Variants in ARHGAP29 observed in about 807,000 individuals in gnomAD.
The protein encoded by ARHGAP29 is rho GTPase-activating protein 29.
In ARHGAP29, 43 loss-of-function variants were observed where a neutral mutation model predicts 122.6. The observed-to-expected ratio is 0.35, with a 90% CI of 0.27 to 0.45. The LOEUF (loss-of-function observed/expected upper bound fraction) is 0.45, where lower values mean the gene tolerates loss of function less well. Ranked by LOEUF, ARHGAP29 falls within the 20% of genes least tolerant of loss-of-function variation. ARHGAP29 has a pLI of 1.00. For synonymous variants in ARHGAP29, 506 were observed against 497.1 expected (o/e 1.02, Z -0.24); for missense variants, 1,303 against 1,477.2 (o/e 0.88, Z 1.93).
upstream of ARHGAP29, among the ~76,000 whole-genome samples, chr1:94,275,320 T>C (rs745786573): frequency 3.9e-5 from 6 of 152,276 alleles, no homozygotes; most frequent in Middle Eastern, 3.4e-3. Flanking sequence ...GAAGGGAAAA[T>C]TGAAATGGTT....
chr1:94,186,520 GCT>G lies in ARHGAP29; in HGVS notation c.1757_1758del (p.Glu586AlafsTer16). On this transcript the variant is annotated frameshift_variant, in exon 16 of 23. Transcript: ENST00000260526. LOFTEE classifies it high-confidence loss of function. ...MSSADDLDER[E>X]PPSPSETGPN... ...ATACCAGTTTCTGAAGGGGAAGGTG[GCT>G]CTCTTTCATCTAGATCATCTGCAGA... 6.2e-7 allele frequency: 1 copy of G among 1,613,340 alleles called. No individual in the cohort carries two copies. Among genetic ancestry groups the G allele is most frequent in the African/African-American group, 1.3e-5 (1 of 74,974 alleles).
In ARHGAP29 at chr1:94,173,074, C is replaced by A. The variant is rs1648845484; in HGVS notation, c.*795G>T. ...CATTTTTTGGACCATTTATAAAATA[C>A]TAAAAAGTTCAGAACTGCTGAAAAA... On this transcript the variant is annotated 3_prime_UTR_variant, in exon 23 of 23. Transcript: ENST00000260526. 6.6e-6 allele frequency: 1 copy of A among 152,400 alleles called. No individual in the cohort carries two copies. Among genetic ancestry groups the A allele is most frequent in the African/African-American group, 2.4e-5 (1 of 41,378 alleles). 9.4% of individuals were successfully genotyped at this position (152,400 alleles called of 1,614,324 possible). A position where few individuals can be genotyped will look rare whatever the true frequency, so the allele number is the denominator to read the frequency against.
At chr1:94,212,784 C>T (rs1439605839) in intron 3 of ARHGAP29, among the ~76,000 whole-genome samples, 1 of 152,100 alleles carries the variant, frequency 6.6e-6, no homozygotes, top group Non-Finnish European at 1.5e-5. Flanking sequence ...CCCTATATTT[C>T]TAATATCTAA....
At chr1:94,255,119 G>A (rs1407035980) in intron 1 of ARHGAP29, among the ~76,000 whole-genome samples, 1 of 152,176 alleles carries the variant, frequency 6.6e-6, no homozygotes, top group South Asian at 2.1e-4. Context: ...ACCTCAGAAT[G>A]TAACTATATT....
the ARHGAP29 span, among the ~76,000 whole-genome samples, chr1:94,299,939 G>A: frequency 1.3e-5 from 2 of 152,136 alleles, no homozygotes; most frequent in African/African-American, 2.4e-5. Flanking sequence ...TGCCTCTACT[G>A]GGAGAACTAG....
At position 94,216,334 on chromosome 1, in the gene ARHGAP29, C is replaced by T. The variant is rs568431702; in HGVS notation, c.340+3924G>A. On this transcript the variant is annotated intron_variant, in intron 3 of 22. Coordinates refer to ENST00000260526, the MANE Select transcript of ARHGAP29 (RefSeq NM_004815.4). ...AAACAATAACAAAAGAATGAGGAAA[C>T]CCTTTATGTGCAGGTAACTCATGAC... Among the ~76,000 whole-genome samples, 212 of 152,152 alleles carry T rather than the reference C, an allele frequency of 1.4e-3. 1 individual carries two copies. The highest frequency in any genetic ancestry group is 2.8e-3 in the Admixed American group (43 of 15,278).
the ARHGAP29 span, among the ~76,000 whole-genome samples, chr1:94,293,404 T>G: frequency 0.051 from 7,751 of 152,264 alleles, 680 homozygotes; most frequent in African/African-American, 0.18. Context: ...CCCTTGGCTA[T>G]GAAAGGGAAA....
the ARHGAP29 span, among the ~76,000 whole-genome samples, chr1:94,282,608 T>G: frequency 3.7e-4 from 56 of 151,984 alleles, no homozygotes; most frequent in Admixed American, 3.7e-3. Context: ...TTTTTGCCAA[T>G]GAGTAGTAAA....
At position 94,256,536 on chromosome 1, in the gene ARHGAP29, C is replaced by CTTTTTTTTTTTTTTTTTT. The variant is rs530295333; in HGVS notation, c.-33+18458_-33+18475dup. 1.3e-4 allele frequency among the ~76,000 whole-genome samples: 6 copies of CTTTTTTTTTTTTTTTTTT among 45,330 alleles called. 2 individuals are homozygous for CTTTTTTTTTTTTTTTTTT. The highest frequency in any genetic ancestry group is 3.8e-4 in the African/African-American group (4 of 10,632). The allele number at this position is 45,330 out of a possible 152,430, so 29.7% of individuals were successfully genotyped here. A position where few individuals can be genotyped will look rare whatever the true frequency, so the allele number is the denominator to read the frequency against. ...CAGAAATAGATTTAACAGTACTAATCTTTTTTTTTTTTTTTTTTTTTTTTT... is the reference window on the plus strand; with the variant it reads ...CAGAAATAGATTTAACAGTACTAATCTTTTTTTTTTTTTTTTTTTTTTTTTTTTTTTTTTTTTTTTTTT... On this transcript the variant is annotated intron_variant and NMD_transcript_variant, in intron 1 of 25. Coordinates refer to the ARHGAP29 transcript ENST00000552844.
At position 94,267,689 on chromosome 1, in the gene ARHGAP29, C is replaced by T. The variant is rs1654823755; in HGVS notation, c.-33+7323G>A. On this transcript the variant is annotated intron_variant and NMD_transcript_variant, in intron 1 of 25. Transcript: ENST00000552844. Reference sequence around the variant, plus strand: ...CTCCAGTGCCAAACAAATCTGGAATCGTATCCTGACCTGGCCACTTGCTAA... The same window carrying T: ...CTCCAGTGCCAAACAAATCTGGAATTGTATCCTGACCTGGCCACTTGCTAA... Among the ~76,000 whole-genome samples the T allele has an allele frequency of 3.3e-5, 5 of 152,156 alleles. No individual in the cohort carries two copies. The South Asian group carries it at 1.0e-3, about 32-fold the overall frequency.
At chr1:94,314,264 C>T in the ARHGAP29 span, among the ~76,000 whole-genome samples, 1 of 152,164 alleles carries the variant, frequency 6.6e-6, no homozygotes, top group Non-Finnish European at 1.5e-5. Flanking sequence ...AATGAACTTC[C>T]AGGGAGTCAA....
intron 13 of ARHGAP29, 63 bp from the exon 14 acceptor site, chr1:94,189,415 T>G: frequency 2.0e-6 from 3 of 1,478,858 alleles, no homozygotes; most frequent in South Asian, 2.8e-5. Context: ...ATCAGTTGAT[T>G]TCATTCTATG....
rs138478324 is a variant in ARHGAP29 at position 94,174,993 on chromosome 1, A to C, written c.2906-244T>G. 8.6e-3 allele frequency among the ~76,000 whole-genome samples: 1,310 copies of C among 152,346 alleles called. 3 individuals carry two copies. Among genetic ancestry groups the C allele is most frequent in the Non-Finnish European group, 0.014 (954 of 68,036 alleles). On this transcript the variant is annotated intron_variant, in intron 22 of 22. Transcript: ENST00000260526. ...TGAACAGCTACAAAACACAAAAAAA[A>C]CACTTGCTGAGTAACTTCTTTTTAA...
chr1:94,201,963 T>C, intron 11 of ARHGAP29, 106 bp from the exon 12 acceptor site: 4 of 1,124,362 alleles, frequency 3.6e-6, no homozygotes, highest in Non-Finnish European at 4.9e-6. Context: ...TGAAATCTTC[T>C]GTTTTCAAAA....
At chr1:94,174,996 C>A (rs552084761) in intron 22 of ARHGAP29, among the ~76,000 whole-genome samples, 2 of 152,164 alleles carry the variant, frequency 1.3e-5, no homozygotes, top group African/African-American at 2.4e-5. Flanking sequence ...AAAAAAAACA[C>A]TTGCTGAGTA....
At chr1:94,258,643 A>G (rs1466873711) in intron 1 of ARHGAP29, among the ~76,000 whole-genome samples, 1 of 152,196 alleles carries the variant, frequency 6.6e-6, no homozygotes, top group Non-Finnish European at 1.5e-5. Flanking sequence ...CAGGCCTGAT[A>G]GGGGCAGTTT....
At chr1:94,247,263 T>C (rs1290208504) in intron 1 of ARHGAP29, among the ~76,000 whole-genome samples, 1 of 151,866 alleles carries the variant, frequency 6.6e-6, no homozygotes, top group Non-Finnish European at 1.5e-5. Flanking sequence ...TGAGGGCTGG[T>C]GGCTAGCAAA....
intron 1 of ARHGAP29, among the ~76,000 whole-genome samples, chr1:94,245,810 G>A (rs1177550272): frequency 2.0e-5 from 3 of 152,188 alleles, no homozygotes; most frequent in Non-Finnish European, 4.4e-5. Flanking sequence ...AGTGACACGA[G>A]AATGAAAATT....
chr1:94,180,713 C>T (rs1316091025), intron 19 of ARHGAP29, among the ~76,000 whole-genome samples: 1 of 152,164 alleles, frequency 6.6e-6, no homozygotes, highest in Non-Finnish European at 1.5e-5. Context: ...CACTTAACCT[C>T]TTGGAGCTGC....
Sources: gnomAD v4.1 joint callset for allele counts (sites outside exome capture counted in the v4.1 genomes callset) on GRCh38, gnomAD v4.1.1 for gene constraint, MANE v1.5 for transcripts, NCBI Gene and HGNC (gene_info 2026-07-23, HGNC 2026-07-21) for gene names.